AGO2: variants seen among roughly 807,000 people sequenced by gnomAD.
AGO2 encodes the protein argonaute RISC catalytic component 2.
A neutral mutation model predicts 102.3 loss-of-function variants in AGO2; 5 were observed. That is an observed-to-expected ratio of 0.05 (90% CI 0.03 to 0.10). AGO2 has a LOEUF of 0.10. AGO2 is among the 10% of genes least tolerant of loss of function. The pLI is 1.00. For missense variants in AGO2, 541 were observed against 1,183.7 expected (o/e 0.46, Z 7.97); for synonymous variants, 449 against 473.1 (o/e 0.95, Z 0.66).
chr8:140,581,027 T>C (rs962623425), intron 2 of AGO2, among the ~76,000 whole-genome samples: 1 of 152,258 alleles, frequency 6.6e-6, no homozygotes, highest in Admixed American at 6.5e-5. Context: ...GCCTTGGCCA[T>C]GCCTAGTTTC....
intron 9 of AGO2, 65 bp from the exon 10 acceptor site, chr8:140,556,083 G>A (rs948755209): frequency 1.4e-5 from 23 of 1,610,966 alleles, no homozygotes; most frequent in Admixed American, 6.7e-5. Context: ...TAGCAGCTGC[G>A]TCCGTTCCAA....
chr8:140,558,909 C>T (rs1437742909), intron 6 of AGO2, among the ~76,000 whole-genome samples: 2 of 152,188 alleles, frequency 1.3e-5, no homozygotes, highest in African/African-American at 2.4e-5. Flanking sequence ...GTTCAGCGGG[C>T]AGGGCTTGTG....
At position 140,526,647 on chromosome 8, in the gene AGO2, G is replaced by A. The variant is rs1388770548; in HGVS notation, c.*5397C>T. The stretch of plus-strand genomic sequence containing the variant: ...TGAATCTATTGAGAATTCAGAGGTA[G>A]CCTTTATCTGCATTTTTTTTTAAAC... On this transcript the variant is annotated 3_prime_UTR_variant, in exon 19 of 19. Transcript: ENST00000220592. The surrounding 1 kb of genome is among the most constrained non-coding windows in gnomAD (Gnocchi z 5.2). 6.6e-6 allele frequency: 1 copy of A among 152,190 alleles called. No individual in the cohort carries two copies. Among genetic ancestry groups the A allele is most frequent in the Non-Finnish European group, 1.5e-5 (1 of 68,042 alleles). 9.4% of individuals were successfully genotyped at this position (152,190 alleles called of 1,614,324 possible). A position where few individuals can be genotyped will look rare whatever the true frequency, so the allele number is the denominator to read the frequency against.
chr8:140,551,950 A>AATGG (rs1474588027), intron 10 of AGO2, among the ~76,000 whole-genome samples: 1 of 152,078 alleles, frequency 6.6e-6, no homozygotes, highest in Non-Finnish European at 1.5e-5. Flanking sequence ...TGAATGGATG[A>AATGG]ATGGATGGAT....
chr8:140,549,409 A>G, intron 11 of AGO2, 111 bp from the exon 12 acceptor site: 2 of 1,095,866 alleles, frequency 1.8e-6, no homozygotes, highest in Non-Finnish European at 2.6e-6. Flanking sequence ...AAGCACTTTC[A>G]TTGAGGTCAA....
Position 140,544,291 on chromosome 8 carries a change from G to T in AGO2, c.1761C>A (p.Phe587Leu). Residue 587 changes from phenylalanine (F) to leucine (L), a missense_variant, in exon 14 of 19, where the codon TTC becomes TTA. Coordinates refer to ENST00000220592, the MANE Select transcript of AGO2 (RefSeq NM_012154.5). ...CTCCCAGAAAGATGACGGGCTGCTG[G>T]AACACCGGCGGCCTGCGGAGAGGAG... ...ILLPQGRPPV[F>L]QQPVIFLGAD... 1 of 1,603,038 alleles carries T rather than the reference G, an allele frequency of 6.2e-7. No homozygotes were observed. Among genetic ancestry groups the T allele is most frequent in the South Asian group, 1.1e-5 (1 of 89,564 alleles).
chr8:140,596,581 C>G (rs1046204323), intron 1 of AGO2, among the ~76,000 whole-genome samples: 6 of 152,222 alleles, frequency 3.9e-5, no homozygotes, highest in Non-Finnish European at 8.8e-5. Context: ...AAAACTCCAT[C>G]TCAAACAAAC....
rs1001216912 is a variant in AGO2 at position 140,562,651 on chromosome 8, C to T, written c.337-17G>A. The T allele has an allele frequency of 3.1e-6, 5 of 1,610,312 alleles. 1 individual carries two copies. In the African/African-American group the frequency reaches 6.7e-5, roughly 21 times the overall value. On this transcript the variant is annotated splice_polypyrimidine_tract_variant and intron_variant, in intron 3 of 18. Coordinates refer to ENST00000220592, the MANE Select transcript of AGO2 (RefSeq NM_012154.5). ...CAGCTCCACCTGCGAGGATCCAAGG[C>T]ACACAAGGTTACTCCCTCCTGCGAA...
intron 1 of AGO2, among the ~76,000 whole-genome samples, chr8:140,633,106 T>C (rs1390661907): frequency 6.6e-6 from 1 of 151,850 alleles, no homozygotes; most frequent in Non-Finnish European, 1.5e-5. Flanking sequence ...AGAGACGGGG[T>C]TTCATGATGT....
At chr8:140,631,387 C>T (rs1025765067) in intron 1 of AGO2, among the ~76,000 whole-genome samples, 9 of 151,968 alleles carry the variant, frequency 5.9e-5, no homozygotes, top group Admixed American at 1.3e-4. Context: ...ACCAAAAATA[C>T]GAAAATTAGC....
intron 14 of AGO2, 81 bp downstream of exon 14, chr8:140,544,132 T>G: frequency 7.0e-7 from 1 of 1,429,652 alleles, no homozygotes; most frequent in Non-Finnish European, 9.3e-7. Context: ...GAAGGACCCC[T>G]GGCCACGCTG....
At chr8:140,584,323 G>A (rs1376795866) in intron 2 of AGO2, among the ~76,000 whole-genome samples, 1 of 152,060 alleles carries the variant, frequency 6.6e-6, no homozygotes, top group Non-Finnish European at 1.5e-5. Flanking sequence ...AAAAAAACAC[G>A]CCTGACCACA....
intron 13 of AGO2, among the ~76,000 whole-genome samples, chr8:140,546,464 C>T (rs1024571613): frequency 2.0e-5 from 3 of 152,236 alleles, no homozygotes; most frequent in Non-Finnish European, 4.4e-5. Context: ...ACTGTGGTGG[C>T]CAAGCACAGG....
chr8:140,546,902 A>G (rs905375008), intron 13 of AGO2, among the ~76,000 whole-genome samples: 1 of 152,118 alleles, frequency 6.6e-6, no homozygotes, highest in Non-Finnish European at 1.5e-5. Context: ...GCCAGTCAGG[A>G]GGTGCCAGAG....
intron 7 of AGO2, 93 bp downstream of exon 7, chr8:140,558,392 G>T: frequency 7.3e-7 from 1 of 1,369,146 alleles, no homozygotes; most frequent in Non-Finnish European, 1.0e-6. Flanking sequence ...GTCCTTTCTG[G>T]AGAATGGGCA....
At position 140,524,564 on chromosome 8, in the gene AGO2, T is replaced by TC. The variant is rs931960998; in HGVS notation, c.*7479dup. The TC allele has an allele frequency of 8.5e-5, 13 of 152,270 alleles. No individual in the cohort carries two copies. The highest frequency in any genetic ancestry group is 2.9e-4 in the African/African-American group (12 of 41,516). The allele number at this position is 152,270 out of a possible 1,614,324, so 9.4% of individuals were successfully genotyped here. A position where few individuals can be genotyped will look rare whatever the true frequency, so the allele number is the denominator to read the frequency against. ...CCTTGTGGAATGGCACAGGCTTAGT[T>TC]CCCCAGAGAAACGCAGCCCCAACAT... On this transcript the variant is annotated 3_prime_UTR_variant, in exon 19 of 19. Coordinates refer to ENST00000220592, the MANE Select transcript of AGO2 (RefSeq NM_012154.5).
intron 1 of AGO2, among the ~76,000 whole-genome samples, chr8:140,608,189 A>T (rs192787591): frequency 6.6e-6 from 1 of 152,272 alleles, no homozygotes; most frequent in African/African-American, 2.4e-5. Context: ...AGCATGAGAC[A>T]GGCAGAGATA....
chr8:140,566,814 G>C (rs2073294781), intron 3 of AGO2, among the ~76,000 whole-genome samples: 1 of 152,230 alleles, frequency 6.6e-6, no homozygotes, highest in African/African-American at 2.4e-5. Flanking sequence ...TTCCAGTACG[G>C]ACTGGCAGCT....
At chr8:140,577,207 C>CAAAAAAAAAAAA (rs10661844) in intron 2 of AGO2, among the ~76,000 whole-genome samples, 59 of 70,630 alleles carry the variant, frequency 8.4e-4, no homozygotes, top group Non-Finnish European at 1.0e-3. Flanking sequence ...GACTCCATCT[C>CAAAAAAAAAAAA]AAAAAAAAAA....
Sources: allele counts gnomAD v4.1 joint callset (sites outside exome capture counted in the v4.1 genomes callset), GRCh38; gene constraint gnomAD v4.1.1; non-coding constraint Gnocchi (gnomAD v3.1); transcripts MANE v1.5; gene names NCBI Gene and HGNC (gene_info 2026-07-23, HGNC 2026-07-21).